Variants in ITPR2 observed in about 807,000 individuals in gnomAD.
ITPR2 encodes the protein inositol 1,4,5-trisphosphate receptor type 2, also known as inositol 1,4,5-trisphosphate-gated calcium channel ITPR2.
In ITPR2, 207 loss-of-function variants were observed where a neutral mutation model predicts 317.1. The ratio of observed to expected loss-of-function variants is 0.65; its 90% confidence interval spans 0.58 to 0.73. The LOEUF (loss-of-function observed/expected upper bound fraction) is 0.73. Ranked by LOEUF, ITPR2 falls within the 30% of genes least tolerant of loss-of-function variation. ITPR2 has a pLI of 0.00. For missense variants in ITPR2, 2,613 were observed against 3,284.0 expected, an observed-to-expected ratio of 0.80 and a Z score of 4.99; for synonymous variants, 1,156 against 1,149.1, an observed-to-expected ratio of 1.01 and a Z score of -0.12.
At chr12:26,566,120 A>AG (rs1395919421) in intron 34 of ITPR2, among the ~76,000 whole-genome samples, 1 of 118,992 alleles carries the variant, frequency 8.4e-6, no homozygotes, top group African/African-American at 3.4e-5. Context: ...GGAGAAGGAG[A>AG]GGAGGAGAGG....
At chr12:26,697,531 G>A (rs969561009) in intron 9 of ITPR2, among the ~76,000 whole-genome samples, 21 of 152,280 alleles carry the variant, frequency 1.4e-4, no homozygotes, top group African/African-American at 3.6e-4. Flanking sequence ...ATATGTGGCC[G>A]GGTGTGGTGG....
At chr12:26,392,406 A>G (rs567119196) in intron 54 of ITPR2, among the ~76,000 whole-genome samples, 1 of 152,118 alleles carries the variant, frequency 6.6e-6, no homozygotes, top group East Asian at 1.9e-4. Flanking sequence ...CTGCCTTCCA[A>G]GTATTCCTTC....
Position 26,340,209 on chromosome 12 carries a change from CA to C in ITPR2, c.7976del (p.Leu2659ArgfsTer16). 6.2e-7 allele frequency: 1 copy of C among 1,609,538 alleles called. No homozygotes were observed. Among genetic ancestry groups the C allele is most frequent in the Non-Finnish European group, 8.5e-7 (1 of 1,178,056 alleles). ...LQEKLESTMS[L>X]VKQLSGQLAE... Reference sequence around the variant, plus strand: ...CCAGCTGACCCGACAGCTGTTTGACCAGACTCATGGTCGATTCCAACTTCTC... The same window carrying C: ...CCAGCTGACCCGACAGCTGTTTGACCGACTCATGGTCGATTCCAACTTCTC... On this transcript the variant is annotated frameshift_variant, in exon 56 of 57. Coordinates refer to ENST00000381340, the MANE Select transcript of ITPR2 (RefSeq NM_002223.4). LOFTEE classifies it high-confidence loss of function.
intron 4 of ITPR2, 40 bp from the exon 5 acceptor site, chr12:26,722,595 T>A (rs756585049): frequency 2.1e-6 from 3 of 1,440,014 alleles, no homozygotes. Flanking sequence ...TTATTCTTTG[T>A]TCTCCTCTGT....
At chr12:26,386,264 G>C (rs1354405434) in intron 55 of ITPR2, among the ~76,000 whole-genome samples, 1 of 151,946 alleles carries the variant, frequency 6.6e-6, no homozygotes, top group Non-Finnish European at 1.5e-5. Context: ...AGGCAAAAGT[G>C]GAGAAGACAA....
At chr12:26,591,579 C>A (rs1411760362) in intron 32 of ITPR2, among the ~76,000 whole-genome samples, 1 of 152,046 alleles carries the variant, frequency 6.6e-6, no homozygotes, top group Non-Finnish European at 1.5e-5. Context: ...CCTGTAATCC[C>A]AGTACTTTGG....
intron 45 of ITPR2, among the ~76,000 whole-genome samples, chr12:26,456,110 C>A (rs1299016620): frequency 6.6e-6 from 1 of 152,164 alleles, no homozygotes; most frequent in Admixed American, 6.5e-5. Flanking sequence ...AGACTGAGAT[C>A]TACTGGGCTA....
At chr12:26,477,323 A>G (rs1942441858) in intron 43 of ITPR2, among the ~76,000 whole-genome samples, 1 of 152,098 alleles carries the variant, frequency 6.6e-6, no homozygotes, top group Non-Finnish European at 1.5e-5. Flanking sequence ...CTGTTTCCTA[A>G]ATAGGCATTT....
chr12:26,774,936 G>C (rs1293938672), intron 2 of ITPR2, among the ~76,000 whole-genome samples: 1 of 152,220 alleles, frequency 6.6e-6, no homozygotes, highest in African/African-American at 2.4e-5. Flanking sequence ...TTCGTAGGAG[G>C]TTCCAAGGCA....
intron 37 of ITPR2, among the ~76,000 whole-genome samples, chr12:26,536,091 T>C (rs1443818172): frequency 1.3e-5 from 2 of 152,202 alleles, no homozygotes; most frequent in African/African-American, 2.4e-5. Context: ...CCTGTGTATA[T>C]AGCAAAGTAG....
Position 26,799,517 on chromosome 12 carries a change from C to T in ITPR2, c.93-9290G>A, listed in dbSNP as rs767723781. Among the ~76,000 whole-genome samples the T allele has an allele frequency of 8.3e-4, 126 of 152,310 alleles. 1 individual carries two copies. The highest frequency in any genetic ancestry group is 2.9e-3 in the Admixed American group (44 of 15,292). On this transcript the variant is annotated intron_variant, in intron 1 of 56. Coordinates refer to ENST00000381340, the MANE Select transcript of ITPR2 (RefSeq NM_002223.4). ...CTGGTGAAACTAAGGGGAAAAACAA[C>T]TAAAAGAGTTACACATAGCCTTTCA...
chr12:26,410,530 C>T (rs1247832277), intron 52 of ITPR2, among the ~76,000 whole-genome samples: 3 of 152,164 alleles, frequency 2.0e-5, no homozygotes, highest in South Asian at 2.1e-4. Context: ...CGCACCTACA[C>T]TATGCTTAAC....
chr12:26,418,836 G>C (rs1024249714), intron 50 of ITPR2, among the ~76,000 whole-genome samples: 2 of 151,714 alleles, frequency 1.3e-5, no homozygotes, highest in Admixed American at 6.6e-5. Context: ...TTCTCAAAGA[G>C]GAAATAAAGA....
rs1937960855 is a variant in ITPR2 at position 26,337,596 on chromosome 12, T to G, written c.*1801A>C. ...AGTTTTATAAAGAATTAAGAGTAAC[T>G]GAATGACAGCTGAATTTCTCATGTA... On this transcript the variant is annotated 3_prime_UTR_variant, in exon 57 of 57. Transcript: ENST00000381340. The G allele has an allele frequency of 6.6e-6, 1 of 152,244 alleles. No homozygotes were observed. The highest frequency in any genetic ancestry group is 1.5e-5 in the Non-Finnish European group (1 of 68,040). 9.4% of individuals were successfully genotyped at this position (152,244 alleles called of 1,614,324 possible).
rs1942595733 is a variant in ITPR2, at chr12:26,483,708, T to A, written c.6002A>T (p.His2001Leu). 6 of 1,613,730 alleles carry A rather than the reference T, an allele frequency of 3.7e-6. No individual in the cohort carries two copies. The highest frequency in any genetic ancestry group is 1.7e-5 in the Admixed American group (1 of 60,012). Residue 2001 changes from histidine (H) to leucine (L), a missense_variant, in exon 42 of 57, where the codon CAT (histidine) becomes CTT (leucine). Physicochemically the swap from His to Leu is moderately conservative, Grantham distance 99 (BLOSUM62 -3). Around this residue, in one of 9 missense-constraint regions of ITPR2, gnomAD observed 926 missense variants for 1,072.8 expected, o/e 0.86. Coordinates refer to ENST00000381340, the MANE Select transcript of ITPR2 (RefSeq NM_002223.4). ...GATACTTCTGGTTACCTGATTTTCA[T>A]GGCAAGGGCCCTGGCAATACTCAGT... ...SLTEYCQGPC[H>L]ENQTCIATHE...
In ITPR2 at chr12:26,357,899, G is replaced by A. The variant is rs1057357953; in HGVS notation, c.7858-17571C>T. On this transcript the variant is annotated intron_variant, in intron 55 of 56. Coordinates refer to ENST00000381340, the MANE Select transcript of ITPR2 (RefSeq NM_002223.4). ...GGCAAAGGTGAGGAAGCTGCAGGGC[G>A]GCTAGCTCGGGTTGCTGGGTTTACA... Among the ~76,000 whole-genome samples the A allele has an allele frequency of 5.3e-5, 8 of 152,350 alleles. No homozygotes were observed. In the South Asian group the frequency reaches 1.2e-3, roughly 24 times the overall value.
intron 1 of ITPR2, among the ~76,000 whole-genome samples, chr12:26,808,050 A>G (rs1950668495): frequency 6.6e-6 from 1 of 152,244 alleles, no homozygotes; most frequent in African/African-American, 2.4e-5. Flanking sequence ...AAAGGCACAT[A>G]TGCCACACAG....
At chr12:26,464,229 TCTA>T (rs1942112858) in intron 45 of ITPR2, among the ~76,000 whole-genome samples, 1 of 152,174 alleles carries the variant, frequency 6.6e-6, no homozygotes, top group South Asian at 2.1e-4. Flanking sequence ...GCACATTATT[TCTA>T]CTATTATTAC....
intron 34 of ITPR2, among the ~76,000 whole-genome samples, chr12:26,575,188 C>T (rs1322153139): frequency 2.1e-5 from 3 of 143,912 alleles, no homozygotes; most frequent in Admixed American, 1.4e-4. Context: ...GTGGGGGCAT[C>T]CTAGATGTAA....
Sources: gnomAD v4.1 joint callset for allele counts (sites outside exome capture counted in the v4.1 genomes callset) on GRCh38, gnomAD v4.1.1 for gene constraint, gnomAD v4.1.1 regional missense constraint, MANE v1.5 for transcripts, NCBI Gene and HGNC (gene_info 2026-07-23, HGNC 2026-07-21) for gene names.